BRD4: variants seen among roughly 807,000 people sequenced by gnomAD.
BRD4 encodes bromodomain-containing protein 4.
Under a neutral mutation model 142.1 loss-of-function variants are expected in BRD4, and 16 were observed. That is an observed-to-expected ratio of 0.11 (90% CI 0.08 to 0.17). BRD4 has a LOEUF of 0.17. Among genes scored for constraint, BRD4 ranks in the 10% least tolerant of loss-of-function variants. The pLI is 1.00. For synonymous variants in BRD4, 833 were observed against 707.5 expected (o/e 1.18, Z -2.82); for missense variants, 1,424 against 1,810.9 (o/e 0.79, Z 3.88).
chr19:15,269,353 T>C (rs1263832907), intron 2 of BRD4, among the ~76,000 whole-genome samples: 2 of 152,222 alleles, frequency 1.3e-5, no homozygotes, highest in Non-Finnish European at 2.9e-5. Context: ...AAAATATTCT[T>C]TCACTTTTAA....
intron 1 of BRD4, among the ~76,000 whole-genome samples, chr19:15,313,110 G>A (rs1268544812): frequency 2.6e-5 from 4 of 151,910 alleles, no homozygotes; most frequent in Non-Finnish European, 5.9e-5. Context: ...GGTGGCTCAC[G>A]CCCGTAATCC....
At chr19:15,275,238 G>A (rs2047634081) in intron 1 of BRD4, among the ~76,000 whole-genome samples, 1 of 152,178 alleles carries the variant, frequency 6.6e-6, no homozygotes. Flanking sequence ...GCCTCATTTG[G>A]TGTTTTAAGC....
At chr19:15,274,298 G>T (rs897937022) in intron 1 of BRD4, among the ~76,000 whole-genome samples, 6 of 152,202 alleles carry the variant, frequency 3.9e-5, no homozygotes, top group Non-Finnish European at 1.5e-5. Flanking sequence ...CTCACATGTG[G>T]AGTAGGCTGG....
chr19:15,327,347 A>AG (rs1290201066), intron 1 of BRD4, among the ~76,000 whole-genome samples: 1 of 152,116 alleles, frequency 6.6e-6, no homozygotes, highest in Non-Finnish European at 1.5e-5. Flanking sequence ...AAGACCAGCC[A>AG]GGCCAACATG....
chr19:15,280,182 G>A (rs2047692006), intron 1 of BRD4: 1 of 902,468 alleles, frequency 1.1e-6, no homozygotes, highest in South Asian at 5.1e-5. Flanking sequence ...CAGAGGCAGA[G>A]TGGATGGTGG....
intron 1 of BRD4, among the ~76,000 whole-genome samples, chr19:15,303,154 A>G (rs1038591018): frequency 6.6e-6 from 1 of 152,202 alleles, no homozygotes. Context: ...TGTAGGGTAC[A>G]CTACCCCTGC....
At chr19:15,281,270 C>A (rs2047702001) in intron 1 of BRD4, among the ~76,000 whole-genome samples, 1 of 151,462 alleles carries the variant, frequency 6.6e-6, no homozygotes, top group Non-Finnish European at 1.5e-5. Context: ...TACCTCTTGA[C>A]TCTGCAGTAC....
chr19:15,314,606 G>A (rs773994780), intron 1 of BRD4, among the ~76,000 whole-genome samples: 13 of 152,186 alleles, frequency 8.5e-5, no homozygotes, highest in Admixed American at 2.6e-4. Context: ...ACATCCAACC[G>A]CTTCAATGAC....
intron 1 of BRD4, chr19:15,331,879 T>A (rs897978001): frequency 3.5e-5 from 5 of 144,536 alleles, no homozygotes; most frequent in African/African-American, 1.3e-4. Flanking sequence ...CGCTTCCTCC[T>A]CCTCCTCCTC....
At chr19:15,293,031 T>A (rs981786536) in intron 1 of BRD4, among the ~76,000 whole-genome samples, 4 of 151,954 alleles carry the variant, frequency 2.6e-5, no homozygotes, top group Admixed American at 2.6e-4. Context: ...CACACCTGGG[T>A]GTCTCCACAA....
At chr19:15,278,543 CAAAAAAAA>C (rs1235423521) in intron 1 of BRD4, among the ~76,000 whole-genome samples, 14 of 74,892 alleles carry the variant, frequency 1.9e-4, no homozygotes, top group East Asian at 7.2e-4. Context: ...CAACCCCCGC[CAAAAAAAA>C]AAAAAAAAAA....
chr19:15,323,082 A>G (rs1213550367), intron 1 of BRD4, among the ~76,000 whole-genome samples: 1 of 139,534 alleles, frequency 7.2e-6, no homozygotes, highest in African/African-American at 2.7e-5. Context: ...ACAAAGAATT[A>G]TTTTCTTCCA....
chr19:15,296,653 G>A (rs1324374294), intron 1 of BRD4, among the ~76,000 whole-genome samples: 3 of 152,184 alleles, frequency 2.0e-5, no homozygotes, highest in Non-Finnish European at 4.4e-5. Context: ...CTGGATGTGA[G>A]GCAGCATCCC....
chr19:15,271,175 T>G (rs1328640668), intron 2 of BRD4, among the ~76,000 whole-genome samples: 3 of 152,176 alleles, frequency 2.0e-5, no homozygotes, highest in Admixed American at 1.3e-4. Flanking sequence ...CCCCCAGCCC[T>G]TCCTTCTCCT....
At chr19:15,283,158 T>TA (rs1358062123) in intron 1 of BRD4, among the ~76,000 whole-genome samples, 1 of 151,916 alleles carries the variant, frequency 6.6e-6, no homozygotes, top group Admixed American at 6.6e-5. Context: ...AGGAAGGAAA[T>TA]ACGGGGGACA....
Position 15,238,145 on chromosome 19 carries a change from G to T in BRD4, c.*232C>A, listed in dbSNP as rs200067207. ...TTGCTCGTAACAAGGCGTGTGCTGA[G>T]CGGACGTCCTGTGAGGGGTGGTGGG... On this transcript the variant is annotated 3_prime_UTR_variant, in exon 20 of 20. Transcript: ENST00000679869. The surrounding 1 kb of genome is among the most constrained non-coding windows in gnomAD (Gnocchi z 7.2). 2 of 598,660 alleles carry T rather than the reference G, an allele frequency of 3.3e-6. No homozygotes were observed. The highest frequency in any genetic ancestry group is 2.9e-6 in the Non-Finnish European group (1 of 346,772). 37.1% of individuals were successfully genotyped at this position (598,660 alleles called of 1,614,324 possible).
intron 11 of BRD4, chr19:15,253,446 G>A (rs201709125): frequency 3.0e-5 from 33 of 1,087,604 alleles, no homozygotes; most frequent in Non-Finnish European, 4.0e-5. Flanking sequence ...GGGCTCTAAT[G>A]GGGAACCCAG....
At chr19:15,284,482 A>G (rs563737014) in intron 1 of BRD4, among the ~76,000 whole-genome samples, 1 of 152,338 alleles carries the variant, frequency 6.6e-6, no homozygotes, top group East Asian at 1.9e-4. Flanking sequence ...CCAAGGGTAC[A>G]CAAAAGGCCA....
chr19:15,331,331 A>G (rs1599540369), intron 1 of BRD4, among the ~76,000 whole-genome samples: 1 of 152,190 alleles, frequency 6.6e-6, no homozygotes, highest in East Asian at 1.9e-4. Context: ...GAGTGAAGCC[A>G]TGCTATTTCC....
Sources: allele counts gnomAD v4.1 joint callset (sites outside exome capture counted in the v4.1 genomes callset), GRCh38; gene constraint gnomAD v4.1.1; non-coding constraint Gnocchi (gnomAD v3.1); transcripts MANE v1.5; gene names NCBI Gene and HGNC (gene_info 2026-07-23, HGNC 2026-07-21).